ALK: variants seen among roughly 807,000 people sequenced by gnomAD.
The protein encoded by ALK is ALK tyrosine kinase receptor.
Under a neutral mutation model 163.1 loss-of-function variants are expected in ALK, and 74 were observed. The ratio of observed to expected loss-of-function variants is 0.45; its 90% CI spans 0.38 to 0.55. The LOEUF (loss-of-function observed/expected upper bound fraction) is 0.55. ALK is among the 20% of genes least tolerant of loss of function. The probability of loss-of-function intolerance (pLI) is 0.00; values close to 1 mark genes in which losing one functional copy is unlikely to be tolerated. For missense variants in ALK, 2,063 were observed against 2,105.3 expected, an observed-to-expected ratio of 0.98 and a Z score of 0.39; for synonymous variants, 960 against 843.2, an observed-to-expected ratio of 1.14 and a Z score of -2.40.
At chr2:29,789,265 TC>T (rs1177031165) in intron 1 of ALK, among the ~76,000 whole-genome samples, 2 of 152,192 alleles carry the variant, frequency 1.3e-5, no homozygotes, top group Non-Finnish European at 2.9e-5. Context: ...TCTCCAGTGC[TC>T]CCTAGCACTG....
chr2:29,473,263 A>G (rs1220332750), intron 4 of ALK, among the ~76,000 whole-genome samples: 1 of 152,234 alleles, frequency 6.6e-6, no homozygotes, highest in African/African-American at 2.4e-5. Flanking sequence ...TGCAGTGGAG[A>G]AAGGAGAATC....
chr2:29,897,172 T>C (rs1667292459), intron 1 of ALK, among the ~76,000 whole-genome samples: 1 of 151,954 alleles, frequency 6.6e-6, no homozygotes, highest in Admixed American at 6.6e-5. Context: ...ATACAAAAAT[T>C]AGCTGGGCAT....
At chr2:29,919,393 G>A (rs1667922655) in intron 1 of ALK, among the ~76,000 whole-genome samples, 1 of 148,010 alleles carries the variant, frequency 6.8e-6, no homozygotes, top group Admixed American at 6.8e-5. Context: ...CAACATGTAA[G>A]AGAAAGGATG....
At chr2:29,817,608 A>C (rs977879052) in intron 1 of ALK, among the ~76,000 whole-genome samples, 1 of 152,074 alleles carries the variant, frequency 6.6e-6, no homozygotes, top group Non-Finnish European at 1.5e-5. Context: ...CTACCATTAT[A>C]CTGACTTGGA....
intron 3 of ALK, among the ~76,000 whole-genome samples, chr2:29,657,154 C>G (rs1340836694): frequency 2.0e-5 from 3 of 151,842 alleles, no homozygotes. Context: ...TAGTTGGACA[C>G]AAAAGTCTTA....
At chr2:29,591,536 A>C (rs1179172388) in intron 3 of ALK, among the ~76,000 whole-genome samples, 1 of 152,212 alleles carries the variant, frequency 6.6e-6, no homozygotes, top group Non-Finnish European at 1.5e-5. Context: ...GGAAGAATAT[A>C]AAACGTCAGA....
At position 29,405,685 on chromosome 2, in the gene ALK, G is replaced by A. The variant is rs150438548; in HGVS notation, c.1155-21826C>T. ...CACTCTGCAGACAGCCACCACACTG[G>A]GAGAGGCAGAGAGGTGATAAAGAGA... On this transcript the variant is annotated intron_variant, in intron 4 of 28. Transcript: ENST00000389048. 3.6e-4 allele frequency among the ~76,000 whole-genome samples: 55 copies of A among 152,136 alleles called. No individual in the cohort carries two copies. In the East Asian group the frequency reaches 0.01, roughly 28 times the overall value.
intron 1 of ALK, among the ~76,000 whole-genome samples, chr2:29,858,577 A>G (rs1666203861): frequency 6.6e-6 from 1 of 150,484 alleles, no homozygotes; most frequent in South Asian, 2.1e-4. Context: ...TACTAAAAAT[A>G]CAAAAAAAAA....
chr2:29,201,603 G>A (rs1315865389), intron 26 of ALK, among the ~76,000 whole-genome samples: 6 of 151,860 alleles, frequency 4.0e-5, no homozygotes, highest in Admixed American at 3.3e-4. Context: ...CCTGGCCAAC[G>A]TGGTGAAATC....
At chr2:29,784,554 G>T (rs1005603346) in intron 1 of ALK, among the ~76,000 whole-genome samples, 8 of 152,120 alleles carry the variant, frequency 5.3e-5, no homozygotes. Context: ...AAATTAGCCA[G>T]GTGTGGTGGC....
chr2:29,806,448 G>A (rs968057437), intron 1 of ALK, among the ~76,000 whole-genome samples: 9 of 152,322 alleles, frequency 5.9e-5, no homozygotes, highest in African/African-American at 2.2e-4. Context: ...TAGCTTAGAA[G>A]CTACCGTTAA....
rs367675546 is a variant in ALK at position 29,342,858 on chromosome 2, C to T, written c.1283-14377G>A. On this transcript the variant is annotated intron_variant, in intron 5 of 28. Transcript: ENST00000389048. ...ACGAAGCCTCTGAGCTAACCCGACA[C>T]GGCTGTGTGCTCAGTGATCTTTTTT... is the stretch of plus-strand genomic sequence containing the variant. Among the ~76,000 whole-genome samples, 159 of 147,992 alleles carry T rather than the reference C, an allele frequency of 1.1e-3. 1 individual carries two copies. The highest frequency in any genetic ancestry group is 7.1e-3 in the Middle Eastern group (2 of 282).
chr2:29,773,140 T>C (rs1681071369), intron 1 of ALK, among the ~76,000 whole-genome samples: 1 of 152,210 alleles, frequency 6.6e-6, no homozygotes, highest in South Asian at 2.1e-4. Flanking sequence ...AAGCATTCTG[T>C]GAGAATCCAT....
At chr2:29,915,855 C>T (rs11694703) in intron 1 of ALK, among the ~76,000 whole-genome samples, 51,783 of 152,036 alleles carry the variant, frequency 0.34, 10,493 homozygotes, top group Middle Eastern at 0.47. Context: ...ATATACAGAT[C>T]GCACCCCAGA....
At chr2:29,475,031 A>C (rs63503561) in intron 4 of ALK, among the ~76,000 whole-genome samples, 52,473 of 123,456 alleles carry the variant, frequency 0.43, 10,286 homozygotes, top group Non-Finnish European at 0.53. Context: ...GCTCCTGTGT[A>C]CCCCCTGCTC....
At chr2:29,391,305 T>TGG (rs71754470) in intron 4 of ALK, among the ~76,000 whole-genome samples, 7,841 of 126,114 alleles carry the variant, frequency 0.062, 247 homozygotes, top group Non-Finnish European at 0.078. Flanking sequence ...CTCTTTTTTT[T>TGG]GGGGGGGGGG....
At chr2:29,637,503 G>T (rs943709554) in intron 3 of ALK, among the ~76,000 whole-genome samples, 1 of 152,130 alleles carries the variant, frequency 6.6e-6, no homozygotes, top group African/African-American at 2.4e-5. Flanking sequence ...GAGGTTGGGA[G>T]TTCGAGGCCA....
rs1267876826 is a variant in ALK at position 29,352,905 on chromosome 2, T to A, written c.1283-24424A>T. Among the ~76,000 whole-genome samples, 10 of 152,256 alleles carry A rather than the reference T, an allele frequency of 6.6e-5. 1 individual carries two copies. The highest frequency in any genetic ancestry group is 6.5e-4 in the Admixed American group (10 of 15,290). On this transcript the variant is annotated intron_variant, in intron 5 of 28. Coordinates refer to ENST00000389048, the MANE Select transcript of ALK (RefSeq NM_004304.5). The stretch of plus-strand genomic sequence containing the variant: ...CTTCTAACCTACAAGCTGTCATTGT[T>A]CATTCCTGGGTGCAGGAGAAACTAA...
intron 4 of ALK, among the ~76,000 whole-genome samples, chr2:29,492,307 A>T (rs1185191604): frequency 6.6e-6 from 1 of 152,160 alleles, no homozygotes; most frequent in Non-Finnish European, 1.5e-5. Context: ...ACAAGTGTGT[A>T]TTTGAGTGTG....
Sources: allele counts gnomAD v4.1 joint callset (sites outside exome capture counted in the v4.1 genomes callset), GRCh38; gene constraint gnomAD v4.1.1; transcripts MANE v1.5; gene names NCBI Gene and HGNC (gene_info 2026-07-23, HGNC 2026-07-21).